The following ADRA1B variants were observed in gnomAD, a reference collection of about 807,000 sequenced individuals.
ADRA1B encodes alpha-1B adrenergic receptor.
Under a neutral mutation model 17.9 loss-of-function variants are expected in ADRA1B, and 17 were observed. The ratio of observed to expected loss-of-function variants is 0.95; its 90% confidence interval spans 0.65 to 1.42. ADRA1B has a LOEUF of 1.42. Among genes scored for constraint, ADRA1B ranks in the 40% most tolerant of loss-of-function variants. The pLI is 0.00. For missense variants in ADRA1B, 681 were observed against 722.1 expected (o/e 0.94, Z 0.65); for synonymous variants, 366 against 327.6 (o/e 1.12, Z -1.27).
At chr5:159,954,658 C>T (rs1755519133) in intron 1 of ADRA1B, among the ~76,000 whole-genome samples, 1 of 152,126 alleles carries the variant, frequency 6.6e-6, no homozygotes, top group African/African-American at 2.4e-5. Context: ...TGCCCTACAA[C>T]AGGAATCGGG....
intron 1 of ADRA1B, among the ~76,000 whole-genome samples, chr5:159,939,715 C>T (rs1460889169): frequency 1.3e-5 from 2 of 152,168 alleles, no homozygotes; most frequent in African/African-American, 4.8e-5. Context: ...GGCAATCACA[C>T]GTGGCCCCTG....
intron 1 of ADRA1B, among the ~76,000 whole-genome samples, chr5:159,887,126 C>T (rs1753933770): frequency 6.6e-6 from 1 of 152,198 alleles, no homozygotes; most frequent in South Asian, 2.1e-4. Flanking sequence ...AATTTTGCCA[C>T]ATGTTACCAT....
intron 1 of ADRA1B, among the ~76,000 whole-genome samples, chr5:159,876,826 CTA>C (rs1247277138): frequency 6.6e-6 from 1 of 152,152 alleles, no homozygotes; most frequent in African/African-American, 2.4e-5. Context: ...CTTCTGGACT[CTA>C]TGTATGACCA....
chr5:159,937,447 G>GT (rs60153715), intron 1 of ADRA1B, among the ~76,000 whole-genome samples: 23,021 of 145,780 alleles, frequency 0.16, 2,019 homozygotes, highest in East Asian at 0.33. Context: ...TTGTTTTTTT[G>GT]TTTTTTTTTT....
At position 159,961,014 on chromosome 5, in the gene ADRA1B, C is replaced by T. The variant is rs557524968; in HGVS notation, c.950-10865C>T. Among the ~76,000 whole-genome samples the T allele has an allele frequency of 3.3e-5, 5 of 152,250 alleles. No individual in the cohort carries two copies. In the South Asian group the frequency reaches 6.2e-4, roughly 19 times the overall value. On this transcript the variant is annotated intron_variant, in intron 1 of 1. Coordinates refer to ENST00000306675, the MANE Select transcript of ADRA1B (RefSeq NM_000679.4). ...AATATAGACCTAAGCAATTGTAATC[C>T]AAGGTTCAAAGGGACAAATGCCACA...
intron 1 of ADRA1B, among the ~76,000 whole-genome samples, chr5:159,871,760 A>G (rs1753744429): frequency 1.3e-5 from 2 of 152,156 alleles, no homozygotes; most frequent in African/African-American, 2.4e-5. Flanking sequence ...ACCCAATACA[A>G]AGTCTAAGAA....
intron 1 of ADRA1B, among the ~76,000 whole-genome samples, chr5:159,884,928 CA>C (rs2113094448): frequency 6.6e-6 from 1 of 152,352 alleles, no homozygotes; most frequent in South Asian, 2.1e-4. Context: ...TTGTGAGTGA[CA>C]GGCTGGAATC....
intron 1 of ADRA1B, among the ~76,000 whole-genome samples, chr5:159,943,080 C>CG (rs953639412): frequency 6.6e-6 from 1 of 151,924 alleles, no homozygotes; most frequent in African/African-American, 2.4e-5. Context: ...GGCATGGTGG[C>CG]GTGCACTTGT....
intron 1 of ADRA1B, among the ~76,000 whole-genome samples, chr5:159,866,008 G>T (rs1039768675): frequency 3.3e-5 from 5 of 152,194 alleles, no homozygotes; most frequent in African/African-American, 1.2e-4. Context: ...AGCAAGGAGA[G>T]TTGGGTGTTC....
chr5:159,957,072 A>G (rs1198476025), intron 1 of ADRA1B, among the ~76,000 whole-genome samples: 3 of 152,038 alleles, frequency 2.0e-5, no homozygotes, highest in Non-Finnish European at 2.9e-5. Flanking sequence ...GGGTTTCACC[A>G]TGTTGGCCAG....
chr5:159,951,546 T>C (rs1469195509), intron 1 of ADRA1B: 1 of 587,832 alleles, frequency 1.7e-6, no homozygotes, highest in African/African-American at 1.8e-5. Context: ...TGCAGCTGTC[T>C]GTCGAACGGG....
intron 1 of ADRA1B, among the ~76,000 whole-genome samples, chr5:159,952,720 C>T (rs1436915367): frequency 2.0e-5 from 3 of 152,298 alleles, no homozygotes; most frequent in Non-Finnish European, 4.4e-5. Flanking sequence ...CACCTATAAG[C>T]TCTCTGTACA....
chr5:159,877,931 T>A (rs1753819272), intron 1 of ADRA1B, among the ~76,000 whole-genome samples: 1 of 152,206 alleles, frequency 6.6e-6, no homozygotes, highest in Non-Finnish European at 1.5e-5. Flanking sequence ...ATCCACTTCC[T>A]GATTCTTCCT....
At chr5:159,979,162 CA>C in the ADRA1B span, among the ~76,000 whole-genome samples, 2 of 151,098 alleles carry the variant, frequency 1.3e-5, no homozygotes, top group African/African-American at 2.4e-5. Flanking sequence ...CCTATCTCTA[CA>C]AAAAAAAATT....
chr5:159,901,457 AC>A, intron 1 of ADRA1B, among the ~76,000 whole-genome samples: 1 of 113,360 alleles, frequency 8.8e-6, no homozygotes, highest in Non-Finnish European at 1.8e-5. Flanking sequence ...GGGGAGGGGG[AC>A]GGGAAGGAGA....
intron 1 of ADRA1B, among the ~76,000 whole-genome samples, chr5:159,955,735 C>T (rs1186886248): frequency 6.6e-6 from 1 of 152,094 alleles, no homozygotes; most frequent in Non-Finnish European, 1.5e-5. Context: ...AAGCTGAACA[C>T]AAGGCTAAGA....
intron 1 of ADRA1B, among the ~76,000 whole-genome samples, chr5:159,935,299 T>C (rs1754924332): frequency 6.6e-6 from 1 of 152,222 alleles, no homozygotes; most frequent in African/African-American, 2.4e-5. Context: ...GTTTCTTTCT[T>C]TTTAAAATTG....
chr5:159,923,077 G>C (rs1252060113), intron 1 of ADRA1B, among the ~76,000 whole-genome samples: 1 of 152,278 alleles, frequency 6.6e-6, no homozygotes, highest in East Asian at 1.9e-4. Flanking sequence ...GTGGGCAGGA[G>C]GAGGGGCACA....
At chr5:159,901,408 G>A (rs1015430963) in intron 1 of ADRA1B, among the ~76,000 whole-genome samples, 2 of 117,166 alleles carry the variant, frequency 1.7e-5, no homozygotes, top group Non-Finnish European at 3.5e-5. Flanking sequence ...GAGGAGGAAG[G>A]GGAGGAGAAG....
Sources: allele counts gnomAD v4.1 joint callset (sites outside exome capture counted in the v4.1 genomes callset), GRCh38; gene constraint gnomAD v4.1.1; transcripts MANE v1.5; gene names NCBI Gene and HGNC (gene_info 2026-07-23, HGNC 2026-07-21).